Variants in PLEKHG4B observed in about 807,000 individuals in gnomAD.
PLEKHG4B encodes pleckstrin homology domain-containing family G member 4B.
Under a neutral mutation model 121.3 loss-of-function variants are expected in PLEKHG4B, and 111 were observed. The ratio of observed to expected loss-of-function variants is 0.92; its 90% CI spans 0.78 to 1.07. The LOEUF (loss-of-function observed/expected upper bound fraction) is 1.07, where lower values mean the gene tolerates loss of function less well. Ranked by LOEUF, PLEKHG4B falls within the 50% of genes least tolerant of loss-of-function variation. PLEKHG4B has a pLI of 0.00. For missense variants in PLEKHG4B, 1,831 were observed against 1,757.8 expected, an observed-to-expected ratio of 1.04 and a Z score of -0.74; for synonymous variants, 738 against 725.0, an observed-to-expected ratio of 1.02 and a Z score of -0.29.
intron 2 of PLEKHG4B, among the ~76,000 whole-genome samples, chr5:127,358 A>ATTATTATTAT (rs2126376629): frequency 6.8e-6 from 1 of 146,272 alleles, no homozygotes; most frequent in African/African-American, 2.5e-5. Context: ...TATTATTATT[A>ATTATTATTAT]TTATTATTAT....
intron 16 of PLEKHG4B, among the ~76,000 whole-genome samples, chr5:172,161 G>T (rs1408441406): frequency 1.3e-5 from 2 of 152,172 alleles, no homozygotes; most frequent in African/African-American, 4.8e-5. Context: ...CGACGGAATC[G>T]GGGCTGCTTC....
At chr5:158,076 G>C (rs1170672963) in intron 11 of PLEKHG4B, among the ~76,000 whole-genome samples, 15 of 152,186 alleles carry the variant, frequency 9.9e-5, no homozygotes, top group Admixed American at 9.8e-4. Context: ...CAGGCAAGTG[G>C]AGTCCAGGCC....
rs1735140502 is a variant in PLEKHG4B, at chr5:140,642, G to A, written c.1403G>A (p.Gly468Asp). 2 of 1,609,080 alleles carry A rather than the reference G, an allele frequency of 1.2e-6. No homozygotes were observed. Among genetic ancestry groups the A allele is most frequent in the Non-Finnish European group, 1.7e-6 (2 of 1,177,972 alleles). Residue 468 changes from glycine (G) to aspartate (D), a missense_variant, in exon 3 of 20, where the codon GGC becomes GAC. Physicochemically the swap from Gly to Asp is moderately conservative, Grantham distance 94. Coordinates refer to ENST00000637938, the MANE Select transcript of PLEKHG4B (RefSeq NM_052909.5). Reference sequence around the variant, plus strand: ...CACTCAGCAGGCTCCAGGCCTGGGGGCCACCTAGGAGGACAAGCTGTGGGG... The same window carrying A: ...CACTCAGCAGGCTCCAGGCCTGGGGACCACCTAGGAGGACAAGCTGTGGGG... ...SHHSAGSRPG[G>D]HLGGQAVGTP...
At chr5:145,334 G>A (rs1388005272) in intron 6 of PLEKHG4B, among the ~76,000 whole-genome samples, 1 of 152,050 alleles carries the variant, frequency 6.6e-6, no homozygotes, top group East Asian at 1.9e-4. Flanking sequence ...TCAGACAAAG[G>A]ACAGAGGCAG....
chr5:153,265 G>A (rs751795222), intron 7 of PLEKHG4B, among the ~76,000 whole-genome samples: 8 of 152,020 alleles, frequency 5.3e-5, no homozygotes, highest in Non-Finnish European at 1.0e-4. Flanking sequence ...CCAACATCTG[G>A]GTCATCTCTG....
rs1733712949 is a variant in PLEKHG4B, at chr5:189,040, C to A, written c.*6717C>A. On this transcript the variant is annotated 3_prime_UTR_variant, in exon 20 of 20. Coordinates refer to ENST00000637938, the MANE Select transcript of PLEKHG4B (RefSeq NM_052909.5). Reference sequence around the variant, plus strand: ...CTCGAGAGCCAGACTTGTGCACGGGCCTGGAAATGAAGGTCTCAGGCAGGG... The same window carrying A: ...CTCGAGAGCCAGACTTGTGCACGGGACTGGAAATGAAGGTCTCAGGCAGGG... 1 of 152,292 alleles carries A rather than the reference C, an allele frequency of 6.6e-6. No homozygotes were observed. 9.4% of individuals were successfully genotyped at this position (152,292 alleles called of 1,614,324 possible).
intron 1 of PLEKHG4B, among the ~76,000 whole-genome samples, chr5:101,827 T>C (rs1353477812): frequency 2.9e-5 from 3 of 103,626 alleles, no homozygotes; most frequent in Admixed American, 1.8e-4. Context: ...CTGGAGAAAG[T>C]CTATAGGGGA....
intron 12 of PLEKHG4B, 104 bp from the exon 13 acceptor site, chr5:162,618 C>T (rs1736055155): frequency 2.3e-6 from 2 of 852,238 alleles, no homozygotes; most frequent in Non-Finnish European, 3.2e-6. Context: ...GCTTTCTGGC[C>T]CCCTGGTCCC....
chr5:95,651 G>C (rs1244952791), intron 1 of PLEKHG4B, among the ~76,000 whole-genome samples: 2 of 152,204 alleles, frequency 1.3e-5, no homozygotes, highest in African/African-American at 4.8e-5. Context: ...GGCAGAGCCT[G>C]CCCTGTGGGA....
chr5:105,187 T>C (rs987792640), intron 1 of PLEKHG4B, among the ~76,000 whole-genome samples: 1 of 131,902 alleles, frequency 7.6e-6, no homozygotes, highest in Non-Finnish European at 1.6e-5. Flanking sequence ...GGGTGAGGGC[T>C]GTTCTGGGTT....
rs1210267723 is a variant in PLEKHG4B, at chr5:169,421, C to T, written c.3558C>T (p.Asn1186=). ...GGTGCTTAGGATACGTCATTGACAA[C>T]TATTTTCCAGAAATGGAAAGAATGG... is the stretch of plus-strand genomic sequence containing the variant. ...YIRCLGYVID[N]YFPEMERMDL... is the part of the protein sequence containing the mutation. The change falls in exon 14 of 20, where the codon AAC becomes AAT. Residue 1186 remains asparagine, a synonymous_variant. Transcript: ENST00000637938. 1 of 1,614,060 alleles carries T rather than the reference C, an allele frequency of 6.2e-7. No homozygotes were observed. Among genetic ancestry groups the T allele is most frequent in the Non-Finnish European group, 8.5e-7 (1 of 1,180,054 alleles).
At chr5:124,085 A>C (rs531405607) in intron 2 of PLEKHG4B, among the ~76,000 whole-genome samples, 1 of 151,800 alleles carries the variant, frequency 6.6e-6, no homozygotes, top group South Asian at 2.1e-4. Context: ...ACATTTTCTC[A>C]TTTTTCTTGT....
At chr5:175,632 G>A (rs1224840535) in intron 18 of PLEKHG4B, among the ~76,000 whole-genome samples, 2 of 107,780 alleles carry the variant, frequency 1.9e-5, no homozygotes, top group East Asian at 3.2e-4. Flanking sequence ...AGGCAGACAC[G>A]ACCAGGGCTC....
intron 12 of PLEKHG4B, 91 bp downstream of exon 12, chr5:162,035 G>T (rs573702925): frequency 9.0e-6 from 13 of 1,452,490 alleles, no homozygotes; most frequent in Non-Finnish European, 1.2e-5. Flanking sequence ...GCTGGAGTGG[G>T]CCAGGCTGTG....
rs534625979 is a variant in PLEKHG4B, at chr5:97,902, G to C, written c.45+5626G>C. ...AGCTGCACCATTTCCATTCCCACCA[G>C]CAAGTGCACAGGTGCAATTTCCCCA... On this transcript the variant is annotated intron_variant, in intron 1 of 19. Transcript: ENST00000637938. Among the ~76,000 whole-genome samples, 7 of 152,200 alleles carry C rather than the reference G, an allele frequency of 4.6e-5. No individual in the cohort carries two copies. In the South Asian group the frequency reaches 1.5e-3, roughly 32 times the overall value.
rs148203059 is a variant in PLEKHG4B, at chr5:142,576, C to T, written c.1478-471C>T. Among the ~76,000 whole-genome samples the T allele has an allele frequency of 2.4e-3, 371 of 151,810 alleles. 3 individuals carry two copies. Among genetic ancestry groups the T allele is most frequent in the East Asian group, 1.4e-3 (7 of 5,156 alleles). ...ACCACACACACAGTCACACACCACACGCAGTCACATGCCTCACACAATCAC... is the reference window on the plus strand; with the variant it reads ...ACCACACACACAGTCACACACCACATGCAGTCACATGCCTCACACAATCAC... On this transcript the variant is annotated intron_variant, in intron 3 of 19. Coordinates refer to ENST00000637938, the MANE Select transcript of PLEKHG4B (RefSeq NM_052909.5).
At position 157,914 on chromosome 5, in the gene PLEKHG4B, G is replaced by A. The variant is rs142708929; in HGVS notation, c.2487+1003G>A. On this transcript the variant is annotated intron_variant, in intron 11 of 19. Coordinates refer to ENST00000637938, the MANE Select transcript of PLEKHG4B (RefSeq NM_052909.5). The surrounding 1 kb of genome is among the most constrained non-coding windows in gnomAD (Gnocchi z 4.6). ...TCCCCCGGCCTTCAGGTCCATGCGCGTGCCCTCACGGGGGCCTCCAGACAA... is the reference window on the plus strand; with the variant it reads ...TCCCCCGGCCTTCAGGTCCATGCGCATGCCCTCACGGGGGCCTCCAGACAA... 8.1e-3 allele frequency among the ~76,000 whole-genome samples: 1,234 copies of A among 152,260 alleles called. 13 individuals carry two copies. The highest frequency in any genetic ancestry group is 0.027 in the South Asian group (128 of 4,820).
chr5:145,269 G>C (rs958163118), intron 6 of PLEKHG4B, among the ~76,000 whole-genome samples: 1 of 152,258 alleles, frequency 6.6e-6, no homozygotes, highest in Non-Finnish European at 1.5e-5. Context: ...TCCCTGCCCA[G>C]TGCAGCTGCC....
At chr5:101,500 T>G (rs549502234) in intron 1 of PLEKHG4B, among the ~76,000 whole-genome samples, 181 of 119,196 alleles carry the variant, frequency 1.5e-3, no homozygotes, top group African/African-American at 5.5e-3. Context: ...TATAAAGCCC[T>G]GGGAAAAGCC....
Sources: allele counts gnomAD v4.1 joint callset (sites outside exome capture counted in the v4.1 genomes callset), GRCh38; gene constraint gnomAD v4.1.1; non-coding constraint Gnocchi (gnomAD v3.1); transcripts MANE v1.5; gene names NCBI Gene and HGNC (gene_info 2026-07-23, HGNC 2026-07-21).